Variants in CLCN5 observed in about 807,000 individuals in gnomAD.
CLCN5 encodes the protein Cl-/H+ antiporter 5, also known as H(+)/Cl(-) exchange transporter 5.
Under a neutral mutation model 54.0 loss-of-function variants are expected in CLCN5, and 17 were observed. The ratio of observed to expected loss-of-function variants is 0.31; its 90% CI spans 0.22 to 0.47. The LOEUF is 0.47. Among genes scored for constraint, CLCN5 ranks in the 20% least tolerant of loss-of-function variants. CLCN5 has a pLI of 1.00. For synonymous variants in CLCN5, 222 were observed against 233.0 expected (o/e 0.95, Z 0.43); for missense variants, 448 against 646.7 (o/e 0.69, Z 3.33).
chrX:50,019,520 A>C (rs782267484), intron 3 of CLCN5, among the ~76,000 whole-genome samples: 1 of 55,479 alleles, frequency 1.8e-5, no homozygotes, highest in East Asian at 5.3e-4. Flanking sequence ...GTACATGTGC[A>C]CATTGTGCAG....
At chrX:49,946,070 A>G (rs374124650) in intron 3 of CLCN5, among the ~76,000 whole-genome samples, 1 of 112,064 alleles carries the variant, frequency 8.9e-6, no homozygotes, top group African/African-American at 3.2e-5. Flanking sequence ...TTTTTTAAAC[A>G]AGAACCCTTC....
At chrX:50,026,375 A>G (rs1931388896) in intron 3 of CLCN5, among the ~76,000 whole-genome samples, 2 of 111,723 alleles carry the variant, frequency 1.8e-5, no homozygotes, top group Non-Finnish European at 1.9e-5. Flanking sequence ...ATAGACATCA[A>G]CTTGATCTAG....
At chrX:50,029,161 C>CT (rs782406144) in intron 3 of CLCN5, among the ~76,000 whole-genome samples, 6 of 110,691 alleles carry the variant, frequency 5.4e-5, no homozygotes, top group South Asian at 3.9e-4. Flanking sequence ...ACTTTCTATT[C>CT]TTTTTTTTTA....
In CLCN5 at chrX:50,076,687, C is replaced by G. The variant is rs147138826; in HGVS notation, c.603+705C>G. 6.5e-3 allele frequency among the ~76,000 whole-genome samples: 720 copies of G among 110,868 alleles called. 6 individuals carry two copies. The highest frequency in any genetic ancestry group is 0.023 in the African/African-American group (703 of 30,467). Reference sequence around the variant, plus strand: ...GGACTAAAGGCGTGCACCACCACACCTAGATAATTTATTTATTTATTTATT... The same window carrying G: ...GGACTAAAGGCGTGCACCACCACACGTAGATAATTTATTTATTTATTTATT... On this transcript the variant is annotated intron_variant, in intron 7 of 14. Transcript: ENST00000376091.
intron 4 of CLCN5, among the ~76,000 whole-genome samples, chrX:50,058,058 G>A (rs1192788515): frequency 3.6e-5 from 4 of 111,685 alleles, no homozygotes; most frequent in Non-Finnish European, 7.5e-5. Context: ...TGTGTGTTAG[G>A]CATAATGTTG....
intron 4 of CLCN5, among the ~76,000 whole-genome samples, chrX:50,056,446 T>G (rs1392888845): frequency 9.0e-6 from 1 of 110,983 alleles, no homozygotes; most frequent in Non-Finnish European, 1.9e-5. Flanking sequence ...AGTAAGGGAG[T>G]GGGGCGCTGT....
chrX:50,029,548 G>A (rs782467031), intron 3 of CLCN5, among the ~76,000 whole-genome samples: 15 of 111,154 alleles, frequency 1.3e-4, no homozygotes, highest in African/African-American at 3.3e-4. Flanking sequence ...AATCCAGTCT[G>A]TCATTGTTGG....
chrX:50,039,037 G>T (rs1932110177), intron 3 of CLCN5, among the ~76,000 whole-genome samples: 1 of 111,923 alleles, frequency 8.9e-6, no homozygotes, highest in Admixed American at 9.5e-5. Context: ...CCAACACTTT[G>T]GGAGGCTGAG....
intron 4 of CLCN5, among the ~76,000 whole-genome samples, chrX:50,048,963 G>A (rs1207759350): frequency 9.1e-6 from 1 of 110,118 alleles, no homozygotes; most frequent in Non-Finnish European, 1.9e-5. Context: ...CTGTATCTAC[G>A]GTAAGCTAAA....
At chrX:49,995,728 A>G (rs12006714) in intron 3 of CLCN5, among the ~76,000 whole-genome samples, 5,091 of 112,022 alleles carry the variant, frequency 0.045, 302 homozygotes, top group African/African-American at 0.16. Context: ...ACTTGAGCTC[A>G]TGAGTAAAGT....
At chrX:49,947,271 C>T (rs963864503) in intron 3 of CLCN5, among the ~76,000 whole-genome samples, 1 of 111,205 alleles carries the variant, frequency 9.0e-6, no homozygotes, top group African/African-American at 3.3e-5. Flanking sequence ...AGTAGTTTGC[C>T]TGAAGTCATT....
intron 3 of CLCN5, among the ~76,000 whole-genome samples, chrX:49,958,348 A>G (rs943901647): frequency 2.7e-5 from 3 of 111,222 alleles, no homozygotes; most frequent in Admixed American, 9.6e-5. Flanking sequence ...TTGATCAATC[A>G]TAAATCATCC....
chrX:49,935,467 A>G (rs1925897830), intron 3 of CLCN5, among the ~76,000 whole-genome samples: 1 of 112,382 alleles, frequency 8.9e-6, no homozygotes, highest in African/African-American at 3.2e-5. Context: ...TACAAAAGTC[A>G]TGATCCCTGC....
intron 6 of CLCN5, among the ~76,000 whole-genome samples, chrX:50,074,749 G>T (rs1301026295): frequency 8.9e-6 from 1 of 111,827 alleles, no homozygotes; most frequent in Non-Finnish European, 1.9e-5. Flanking sequence ...TCTTTCCCTT[G>T]TACACACAGG....
intron 3 of CLCN5, among the ~76,000 whole-genome samples, chrX:50,010,343 C>T (rs554635445): frequency 1.8e-5 from 2 of 110,396 alleles, no homozygotes; most frequent in Middle Eastern, 4.6e-3. Flanking sequence ...TGGGCTCAAG[C>T]GATCCTCCCA....
At chrX:49,932,269 A>G (rs1172602295) in intron 3 of CLCN5, among the ~76,000 whole-genome samples, 1 of 112,217 alleles carries the variant, frequency 8.9e-6, no homozygotes, top group Non-Finnish European at 1.9e-5. Context: ...CTGTGTTTAC[A>G]TGTTACATAT....
intron 3 of CLCN5, among the ~76,000 whole-genome samples, chrX:49,954,226 G>C (rs782058160): frequency 1.8e-5 from 2 of 111,905 alleles, no homozygotes; most frequent in Non-Finnish European, 3.8e-5. Flanking sequence ...GTGCCTACCT[G>C]CCTGTTTCTT....
chrX:49,938,294 A>G (rs1926113933), intron 3 of CLCN5, among the ~76,000 whole-genome samples: 1 of 111,923 alleles, frequency 8.9e-6, no homozygotes, highest in South Asian at 3.7e-4. Context: ...ACTACTTTAA[A>G]GTTCATATGG....
chrX:50,084,668 GCCA>G (rs1383548856), intron 9 of CLCN5, among the ~76,000 whole-genome samples: 5 of 112,107 alleles, frequency 4.5e-5, no homozygotes, highest in East Asian at 5.6e-4. Context: ...ACAGGCATGA[GCCA>G]CCACAACCGG....
Sources: gnomAD v4.1 joint callset for allele counts (sites outside exome capture counted in the v4.1 genomes callset) on GRCh38, gnomAD v4.1.1 for gene constraint, MANE v1.5 for transcripts, NCBI Gene and HGNC (gene_info 2026-07-23, HGNC 2026-07-21) for gene names.